Variants in BANK1 observed in about 807,000 individuals in gnomAD.
BANK1 encodes B-cell scaffold protein with ankyrin repeats.
BANK1 carries 95 observed loss-of-function variants against 94.5 expected under a neutral mutation model. That is an observed-to-expected ratio of 1.00 (90% CI 0.85 to 1.19). BANK1 has a LOEUF of 1.19. BANK1 is among the 50% of genes most tolerant of loss of function. The pLI, the probability that BANK1 is intolerant of heterozygous loss-of-function variation, is 0.00. For missense variants in BANK1, 987 were observed against 932.2 expected (o/e 1.06, Z -0.77); for synonymous variants, 334 against 308.4 (o/e 1.08, Z -0.87).
intron 11 of BANK1, among the ~76,000 whole-genome samples, chr4:102,050,593 A>G (rs1468206947): frequency 1.3e-5 from 2 of 152,216 alleles, no homozygotes; most frequent in South Asian, 4.1e-4. Context: ...AATCCACACA[A>G]TACAATTTAA....
chr4:102,062,830 G>A, intron 12 of BANK1: 1 of 417,038 alleles, frequency 2.4e-6, no homozygotes. Flanking sequence ...GAAAGTTACT[G>A]TACCTCTCTG....
chr4:101,801,450 A>G (rs1479108278), intron 1 of BANK1, among the ~76,000 whole-genome samples: 3 of 152,232 alleles, frequency 2.0e-5, no homozygotes, highest in East Asian at 3.8e-4. Context: ...AAAAAATTCC[A>G]ATGAAATAAA....
intron 7 of BANK1, among the ~76,000 whole-genome samples, chr4:102,012,091 T>G (rs1401128958): frequency 6.6e-6 from 1 of 152,198 alleles, no homozygotes; most frequent in Non-Finnish European, 1.5e-5. Flanking sequence ...TAATGATACA[T>G]GCATTCTTAC....
At chr4:101,911,350 A>G (rs2148897610) in intron 6 of BANK1, among the ~76,000 whole-genome samples, 2 of 152,342 alleles carry the variant, frequency 1.3e-5, no homozygotes, top group South Asian at 2.1e-4. Context: ...ATAAATTACT[A>G]TTACAATGAA....
intron 4 of BANK1, among the ~76,000 whole-genome samples, chr4:101,865,156 G>C (rs1728021703): frequency 6.6e-6 from 1 of 152,010 alleles, no homozygotes; most frequent in African/African-American, 2.4e-5. Flanking sequence ...TCATACTTTG[G>C]GGTATTGTCT....
At chr4:102,004,298 CATAAATGCT>C (rs1347300347) in intron 7 of BANK1, among the ~76,000 whole-genome samples, 1 of 152,096 alleles carries the variant, frequency 6.6e-6, no homozygotes, top group Non-Finnish European at 1.5e-5. Flanking sequence ...AATTCACCAG[CATAAATGCT>C]GGCTCTCAGG....
intron 7 of BANK1, among the ~76,000 whole-genome samples, chr4:101,960,878 C>T (rs984551362): frequency 3.3e-5 from 5 of 152,138 alleles, no homozygotes; most frequent in African/African-American, 1.2e-4. Context: ...TTCTCTGATT[C>T]TAGGTAAGTC....
chr4:101,870,683 C>G, intron 5 of BANK1, 39 bp downstream of exon 5: 1 of 1,585,520 alleles, frequency 6.3e-7, no homozygotes, highest in Non-Finnish European at 8.6e-7. Flanking sequence ...ATAATGTAAG[C>G]TGAAGAGCTA....
At chr4:101,911,903 A>G (rs1465547328) in intron 6 of BANK1, among the ~76,000 whole-genome samples, 2 of 152,196 alleles carry the variant, frequency 1.3e-5, no homozygotes, top group Admixed American at 6.5e-5. Context: ...CAGGGTCAAC[A>G]GTAATAAGCA....
At chr4:102,000,539 G>C (rs1442194303) in intron 7 of BANK1, among the ~76,000 whole-genome samples, 1 of 152,160 alleles carries the variant, frequency 6.6e-6, no homozygotes, top group African/African-American at 2.4e-5. Flanking sequence ...AGGTGACATA[G>C]TTAGACATTC....
At chr4:101,976,500 AT>A (rs2148925406) in intron 7 of BANK1, among the ~76,000 whole-genome samples, 1 of 152,224 alleles carries the variant, frequency 6.6e-6, no homozygotes, top group African/African-American at 2.4e-5. Flanking sequence ...ATTTTCTTTA[AT>A]TTTCTAGCCA....
At chr4:101,909,331 G>A (rs1250911137) in intron 6 of BANK1, among the ~76,000 whole-genome samples, 1 of 152,146 alleles carries the variant, frequency 6.6e-6, no homozygotes, top group Non-Finnish European at 1.5e-5. Context: ...TCATAGGTGA[G>A]AATTGAACAA....
At chr4:101,980,101 T>C (rs1224133481) in intron 7 of BANK1, among the ~76,000 whole-genome samples, 1 of 151,792 alleles carries the variant, frequency 6.6e-6, no homozygotes, top group African/African-American at 2.4e-5. Flanking sequence ...TTCTTTTGAG[T>C]TTGATTGCAT....
chr4:102,030,378 AT>A, intron 10 of BANK1, 113 bp downstream of exon 10: 69 of 1,089,356 alleles, frequency 6.3e-5, no homozygotes, highest in South Asian at 1.6e-4. Flanking sequence ...AAGAGTAAAC[AT>A]TTTTTTTCAA....
intron 7 of BANK1, among the ~76,000 whole-genome samples, chr4:101,927,799 T>A (rs139384512): frequency 4.2e-4 from 64 of 151,724 alleles, no homozygotes; most frequent in African/African-American, 1.5e-3. Flanking sequence ...GAGTTTGGCT[T>A]GGGACACGTT....
At chr4:101,960,882 G>A (rs1724544144) in intron 7 of BANK1, among the ~76,000 whole-genome samples, 1 of 152,088 alleles carries the variant, frequency 6.6e-6, no homozygotes, top group Non-Finnish European at 1.5e-5. Flanking sequence ...CTGATTCTAG[G>A]TAAGTCACCT....
At chr4:101,850,366 G>A (rs1160476635) in intron 2 of BANK1, among the ~76,000 whole-genome samples, 2 of 151,962 alleles carry the variant, frequency 1.3e-5, no homozygotes, top group East Asian at 3.9e-4. Context: ...CTGCTTCCTG[G>A]GCCCAAGCAA....
At chr4:101,912,874 G>A (rs1722711536) in intron 6 of BANK1, among the ~76,000 whole-genome samples, 1 of 152,020 alleles carries the variant, frequency 6.6e-6, no homozygotes, top group Admixed American at 6.6e-5. Context: ...TATTTTAAAA[G>A]AATGACTCCA....
intron 7 of BANK1, among the ~76,000 whole-genome samples, chr4:101,959,024 C>A (rs999680118): frequency 2.0e-5 from 3 of 152,130 alleles, no homozygotes; most frequent in Admixed American, 2.0e-4. Context: ...ATGATTATAG[C>A]AAGAAAGTTG....
Sources: gnomAD v4.1 joint callset for allele counts (sites outside exome capture counted in the v4.1 genomes callset) on GRCh38, gnomAD v4.1.1 for gene constraint, MANE v1.5 for transcripts, NCBI Gene and HGNC (gene_info 2026-07-23, HGNC 2026-07-21) for gene names.